TMEM120B: variants seen among roughly 807,000 people sequenced by gnomAD.
TMEM120B encodes the protein transmembrane protein 120B.
In TMEM120B, 31 loss-of-function variants were observed where a neutral mutation model predicts 55.5. The observed-to-expected ratio is 0.56, with a 90% CI of 0.42 to 0.75. The LOEUF (loss-of-function observed/expected upper bound fraction) is 0.75, where lower values mean the gene tolerates loss of function less well. Ranked by LOEUF, TMEM120B falls within the 30% of genes least tolerant of loss-of-function variation. TMEM120B has a pLI of 0.00. For synonymous variants in TMEM120B, 203 were observed against 176.3 expected, an observed-to-expected ratio of 1.15 and a Z score of -1.20; for missense variants, 399 against 425.5, an observed-to-expected ratio of 0.94 and a Z score of 0.55.
intron 6 of TMEM120B, among the ~76,000 whole-genome samples, chr12:121,764,386 G>T (rs1873778412): frequency 6.6e-6 from 1 of 152,170 alleles, no homozygotes; most frequent in East Asian, 1.9e-4. Flanking sequence ...CGGGCGTGGT[G>T]GTGCATGCCT....
chr12:121,771,093 G>A lies in TMEM120B; in HGVS notation c.617+121G>A, dbSNP rs1001601619. 1.4e-5 allele frequency: 15 copies of A among 1,084,324 alleles called. No homozygotes were observed. The African/African-American group carries it at 2.2e-4, about 16-fold the overall frequency. The allele number at this position is 1,084,324 out of a possible 1,614,324, so 67.2% of individuals were successfully genotyped here. On this transcript the variant is annotated intron_variant, in intron 7 of 11. Transcript: ENST00000449592. The stretch of plus-strand genomic sequence containing the variant: ...TGTGCTCCAGGGCCAACTTGGGAAA[G>A]AAAGTATGAGCCTGCAGCTGCGCCG...
intron 1 of TMEM120B, among the ~76,000 whole-genome samples, chr12:121,727,636 G>T (rs1029862417): frequency 1.4e-4 from 22 of 151,926 alleles, no homozygotes; most frequent in Non-Finnish European, 3.1e-4. Flanking sequence ...CACTTTGGGA[G>T]GCCGAGGCGG....
At chr12:121,743,008 G>A (rs1304531558) in intron 1 of TMEM120B, among the ~76,000 whole-genome samples, 1 of 152,150 alleles carries the variant, frequency 6.6e-6, no homozygotes. Flanking sequence ...GGTATGTGAT[G>A]GTGGCAAAGT....
At chr12:121,721,028 T>A (rs946980513) in intron 1 of TMEM120B, among the ~76,000 whole-genome samples, 2 of 152,116 alleles carry the variant, frequency 1.3e-5, no homozygotes, top group African/African-American at 2.4e-5. Flanking sequence ...AGAGCTTGGG[T>A]CTCAGAGGAC....
Position 121,781,529 on chromosome 12 carries a change from C to T in TMEM120B, c.*5807C>T, listed in dbSNP as rs895486985. On this transcript the variant is annotated 3_prime_UTR_variant, in exon 12 of 12. Coordinates refer to ENST00000449592, the MANE Select transcript of TMEM120B (RefSeq NM_001080825.2). ...GTCCTGGATGGTGGTAAAGAATCCT[C>T]AAGATCAAACCCACGCAGTGCTGAG... 1.7e-5 allele frequency: 5 copies of T among 290,252 alleles called. No individual in the cohort carries two copies. Among genetic ancestry groups the T allele is most frequent in the African/African-American group, 2.2e-5 (1 of 45,962 alleles). 18.0% of individuals were successfully genotyped at this position (290,252 alleles called of 1,614,324 possible). A position where few individuals can be genotyped will look rare whatever the true frequency, so the allele number is the denominator to read the frequency against.
chr12:121,769,782 C>T (rs1873975373), intron 6 of TMEM120B, among the ~76,000 whole-genome samples: 1 of 151,874 alleles, frequency 6.6e-6, no homozygotes, highest in Non-Finnish European at 1.5e-5. Flanking sequence ...CTGCTTGGAA[C>T]CCAGGGTCAC....
Position 121,730,664 on chromosome 12 carries a change from C to A in TMEM120B, c.70-12965C>A, listed in dbSNP as rs866704152. ...GACACAGTCAAAAAAAAAAAAAAAACAAACAAAAAAAAACCGGGCGCGGTG... is the reference window on the plus strand; with the variant it reads ...GACACAGTCAAAAAAAAAAAAAAAAAAAACAAAAAAAAACCGGGCGCGGTG... On this transcript the variant is annotated intron_variant, in intron 1 of 11. Coordinates refer to ENST00000449592, the MANE Select transcript of TMEM120B (RefSeq NM_001080825.2). 2.5e-3 allele frequency among the ~76,000 whole-genome samples: 239 copies of A among 95,700 alleles called. 2 individuals carry two copies. The highest frequency in any genetic ancestry group is 6.9e-3 in the African/African-American group (179 of 25,816). The allele number at this position is 95,700 out of a possible 152,430, so 62.8% of individuals were successfully genotyped here.
At chr12:121,746,714 G>A (rs1412269075) in intron 2 of TMEM120B, among the ~76,000 whole-genome samples, 1 of 152,086 alleles carries the variant, frequency 6.6e-6, no homozygotes, top group Non-Finnish European at 1.5e-5. Context: ...CAACACTTTG[G>A]GAGGCCGAGG....
intron 2 of TMEM120B, among the ~76,000 whole-genome samples, chr12:121,748,099 T>C (rs201413048): frequency 2.3e-4 from 2 of 8,512 alleles, no homozygotes; most frequent in Admixed American, 1.4e-3. Context: ...GGGTAGAAGG[T>C]GGGAGGCTGG....
chr12:121,725,546 A>G (rs1453612862), intron 1 of TMEM120B, among the ~76,000 whole-genome samples: 1 of 152,192 alleles, frequency 6.6e-6, no homozygotes, highest in Non-Finnish European at 1.5e-5. Flanking sequence ...TCATAGCAGC[A>G]TTATTCACGA....
intron 8 of TMEM120B, among the ~76,000 whole-genome samples, chr12:121,772,079 TTCTCTTTCTCTCTCTCTCTCTTTC>T (rs1300643469): frequency 8.2e-4 from 115 of 140,512 alleles, no homozygotes; most frequent in Non-Finnish European, 1.5e-3. Flanking sequence ...TTTTCTTTCT[TTCTCTTTCTCTCTCTCTCTCTTTC>T]TCTCTTTCTC....
intron 2 of TMEM120B, among the ~76,000 whole-genome samples, chr12:121,745,537 GC>G (rs1330299886): frequency 6.6e-6 from 1 of 151,388 alleles, no homozygotes; most frequent in Non-Finnish European, 1.5e-5. Flanking sequence ...GATTACAGGT[GC>G]CCGCCACCAC....
Position 121,780,664 on chromosome 12 carries a change from G to T in TMEM120B, c.*4942G>T, listed in dbSNP as rs1460601680. The T allele has an allele frequency of 4.8e-6, 3 of 618,652 alleles. No homozygotes were observed. Among genetic ancestry groups the T allele is most frequent in the Non-Finnish European group, 8.3e-6 (3 of 361,372 alleles). 38.3% of individuals were successfully genotyped at this position (618,652 alleles called of 1,614,324 possible). ...CCCTGTAAACTGGGGGATGTGAACA[G>T]CGCCTGCCTCCGAGTCCTAAGGATT... On this transcript the variant is annotated 3_prime_UTR_variant, in exon 12 of 12. Transcript: ENST00000449592.
At chr12:121,736,457 C>T (rs773984200) in intron 1 of TMEM120B, among the ~76,000 whole-genome samples, 2 of 150,848 alleles carry the variant, frequency 1.3e-5, no homozygotes, top group Non-Finnish European at 1.5e-5. Flanking sequence ...CGTGAGCCAC[C>T]GTGCCCGGCC....
At chr12:121,725,603 G>C (rs551889704) in intron 1 of TMEM120B, among the ~76,000 whole-genome samples, 70 of 152,114 alleles carry the variant, frequency 4.6e-4, no homozygotes, top group African/African-American at 1.6e-3. Flanking sequence ...GGTGTATCTG[G>C]GCCACATTTT....
intron 5 of TMEM120B, among the ~76,000 whole-genome samples, chr12:121,754,322 G>A (rs995472040): frequency 2.6e-5 from 4 of 152,234 alleles, no homozygotes; most frequent in Non-Finnish European, 5.9e-5. Flanking sequence ...GCCCTCCGAA[G>A]GCAAACCCTT....
Position 121,781,183 on chromosome 12 carries a change from T to A in TMEM120B, c.*5461T>A. The A allele has an allele frequency of 6.2e-7, 1 of 1,614,154 alleles. No individual in the cohort carries two copies. On this transcript the variant is annotated 3_prime_UTR_variant, in exon 12 of 12. Transcript: ENST00000449592. ...GGACAGGGGCCGCAGCCGGTCATAG[T>A]CTTCTTGCCCTGAAAGCACAGAGCA...
At chr12:121,752,026 G>A (rs12829306) in intron 4 of TMEM120B, 102 bp from the exon 5 acceptor site, 26,673 of 920,326 alleles carry the variant, frequency 0.029, 573 homozygotes, top group Middle Eastern at 0.045. Context: ...ATGGGCCATG[G>A]CAGTGGCTGA....
chr12:121,755,609 T>C (rs1284244538), intron 5 of TMEM120B, among the ~76,000 whole-genome samples: 1 of 152,084 alleles, frequency 6.6e-6, no homozygotes, highest in Non-Finnish European at 1.5e-5. Flanking sequence ...TTAGTGTGGG[T>C]TGGCCCAGAA....
Sources: gnomAD v4.1 joint callset for allele counts (sites outside exome capture counted in the v4.1 genomes callset) on GRCh38, gnomAD v4.1.1 for gene constraint, MANE v1.5 for transcripts, NCBI Gene and HGNC (gene_info 2026-07-23, HGNC 2026-07-21) for gene names.